The following SUGCT variants were observed in gnomAD, a reference collection of about 807,000 sequenced individuals.
SUGCT encodes succinyl-CoA:glutarate-CoA transferase, also known as succinyl-CoA:glutarate CoA-transferase.
SUGCT carries 41 observed loss-of-function variants against 55.0 expected under a neutral mutation model. The ratio of observed to expected loss-of-function variants is 0.74; its 90% confidence interval spans 0.58 to 0.97. The LOEUF is 0.97. SUGCT is among the 50% of genes least tolerant of loss of function. The pLI is 0.00. For synonymous variants in SUGCT, 187 were observed against 200.4 expected (o/e 0.93, Z 0.56); for missense variants, 568 against 547.8 (o/e 1.04, Z -0.37).
the SUGCT span, among the ~76,000 whole-genome samples, chr7:41,000,256 G>T: frequency 1.3e-5 from 2 of 151,900 alleles, no homozygotes; most frequent in African/African-American, 4.8e-5. Context: ...GTGCAAACAG[G>T]CATGCACATG....
At chr7:40,189,377 G>A (rs1435005403) in intron 4 of SUGCT, among the ~76,000 whole-genome samples, 167 bp from the exon 5 acceptor site, 2 of 134,486 alleles carry the variant, frequency 1.5e-5, no homozygotes, top group East Asian at 2.1e-4. Flanking sequence ...AAACTTTTAT[G>A]ATAGTATTTT....
At chr7:40,707,125 C>T (rs182622837) in intron 12 of SUGCT, among the ~76,000 whole-genome samples, 2 of 152,148 alleles carry the variant, frequency 1.3e-5, no homozygotes, top group East Asian at 3.9e-4. Flanking sequence ...CGAATAGTGA[C>T]TCAGATTACA....
intron 9 of SUGCT, among the ~76,000 whole-genome samples, chr7:40,400,010 C>T (rs1785973080): frequency 6.6e-6 from 1 of 152,020 alleles, no homozygotes; most frequent in South Asian, 2.1e-4. Flanking sequence ...AATTGTGCCA[C>T]TGCACTCCAG....
the SUGCT span, among the ~76,000 whole-genome samples, chr7:40,922,900 A>G: frequency 6.6e-6 from 1 of 152,330 alleles, no homozygotes; most frequent in South Asian, 2.1e-4. Context: ...AGGCATGGGC[A>G]ATACCAAGTA....
chr7:40,225,435 A>ATT (rs34672683), intron 6 of SUGCT, among the ~76,000 whole-genome samples: 2,026 of 138,300 alleles, frequency 0.015, 39 homozygotes, highest in African/African-American at 0.049. Flanking sequence ...ATAATATATG[A>ATT]TTTTTTTTTT....
intron 12 of SUGCT, among the ~76,000 whole-genome samples, chr7:40,736,264 A>C (rs957948330): frequency 1.8e-4 from 14 of 78,912 alleles, no homozygotes; most frequent in African/African-American, 6.4e-4. Flanking sequence ...ATAATATTTC[A>C]ATATATAATA....
chr7:40,370,144 C>G (rs909688945), intron 9 of SUGCT, among the ~76,000 whole-genome samples: 2 of 152,196 alleles, frequency 1.3e-5, no homozygotes, highest in African/African-American at 4.8e-5. Flanking sequence ...TCAGTTCTCA[C>G]TGGCAATCCA....
chr7:40,744,769 C>T (rs532799794), intron 12 of SUGCT, among the ~76,000 whole-genome samples: 1 of 152,318 alleles, frequency 6.6e-6, no homozygotes, highest in South Asian at 2.1e-4. Context: ...CCTGCTGTTA[C>T]TACATTTATC....
At chr7:40,370,748 G>A (rs865905077) in intron 9 of SUGCT, among the ~76,000 whole-genome samples, 5 of 152,018 alleles carry the variant, frequency 3.3e-5, no homozygotes, top group Middle Eastern at 3.4e-3. Context: ...GCTTTTCAGG[G>A]CTTTCTAAAT....
intron 13 of SUGCT, among the ~76,000 whole-genome samples, chr7:40,855,309 C>G (rs924891545): frequency 6.6e-6 from 1 of 151,196 alleles, no homozygotes; most frequent in Non-Finnish European, 1.5e-5. Context: ...AAAATTTATC[C>G]TCTTCTACTC....
chr7:40,545,346 T>A lies in SUGCT; in HGVS notation c.1089+48960T>A, dbSNP rs78538613. 8.7e-3 allele frequency among the ~76,000 whole-genome samples: 1,321 copies of A among 152,344 alleles called. 15 individuals are homozygous for A. Among genetic ancestry groups the A allele is most frequent in the Middle Eastern group, 0.027 (8 of 294 alleles). On this transcript the variant is annotated intron_variant, in intron 12 of 13. Coordinates refer to ENST00000335693, the MANE Select transcript of SUGCT (RefSeq NM_001193313.2). ...GTCCTCATGATAGAAATGTTGAGCC[T>A]TCCTTTCTTCTTTCTTACTGGAGCA...
At chr7:40,333,682 TATATATATATATATATATATAA>T (rs1302663611) in intron 9 of SUGCT, among the ~76,000 whole-genome samples, 2 of 116,158 alleles carry the variant, frequency 1.7e-5, no homozygotes, top group Non-Finnish European at 3.4e-5. Flanking sequence ...TATATATATA[TATATATATATATATATATATAA>T]ATATTTATAA....
At chr7:40,225,789 A>C (rs955562711) in intron 6 of SUGCT, among the ~76,000 whole-genome samples, 2 of 152,230 alleles carry the variant, frequency 1.3e-5, no homozygotes, top group Non-Finnish European at 1.5e-5. Context: ...TATTACTCAT[A>C]GTAATGAGTG....
At chr7:40,331,692 G>GACT (rs1364326265) in intron 9 of SUGCT, among the ~76,000 whole-genome samples, 2 of 152,184 alleles carry the variant, frequency 1.3e-5, no homozygotes, top group Non-Finnish European at 2.9e-5. Context: ...GGAGCTCTGG[G>GACT]TCATGGAGAA....
At chr7:40,476,212 C>T (rs111948394) in intron 11 of SUGCT, among the ~76,000 whole-genome samples, 268 of 152,256 alleles carry the variant, frequency 1.8e-3, no homozygotes, top group African/African-American at 6.2e-3. Context: ...GTACTTAAAA[C>T]AGTGCCTTAC....
chr7:40,556,425 T>C (rs1239155162), intron 12 of SUGCT, among the ~76,000 whole-genome samples: 1 of 152,204 alleles, frequency 6.6e-6, no homozygotes, highest in Non-Finnish European at 1.5e-5. Flanking sequence ...TTCTTCCCCT[T>C]CTCAGTCCTG....
At chr7:40,178,475 C>T (rs1417975215) in intron 1 of SUGCT, among the ~76,000 whole-genome samples, 1 of 151,884 alleles carries the variant, frequency 6.6e-6, no homozygotes, top group Non-Finnish European at 1.5e-5. Context: ...TTTTTTCTAC[C>T]CTCACACTTG....
Position 40,272,664 on chromosome 7 carries a change from A to AT in SUGCT, c.577-1836dup, listed in dbSNP as rs1187514804. ...TGGTATTATTATTATTATTATTATT[A>AT]TTTTTTTTTTTTTGAGATGGAGTCT... On this transcript the variant is annotated intron_variant, in intron 7 of 13. Coordinates refer to ENST00000335693, the MANE Select transcript of SUGCT (RefSeq NM_001193313.2). 1.5e-3 allele frequency among the ~76,000 whole-genome samples: 200 copies of AT among 133,512 alleles called. 2 individuals are homozygous for AT. Among genetic ancestry groups the AT allele is most frequent in the Middle Eastern group, 0.013 (3 of 238 alleles). 87.6% of individuals were successfully genotyped at this position (133,512 alleles called of 152,430 possible). A position where few individuals can be genotyped will look rare whatever the true frequency, so the allele number is the denominator to read the frequency against.
intron 11 of SUGCT, among the ~76,000 whole-genome samples, chr7:40,467,742 T>C (rs1444474951): frequency 6.6e-6 from 1 of 152,204 alleles, no homozygotes. Flanking sequence ...TATTTTTAAC[T>C]GCCAATCAGA....
Sources: gnomAD v4.1 joint callset for allele counts (sites outside exome capture counted in the v4.1 genomes callset) on GRCh38, gnomAD v4.1.1 for gene constraint, MANE v1.5 for transcripts, NCBI Gene and HGNC (gene_info 2026-07-23, HGNC 2026-07-21) for gene names.